The following UNK variants were observed in gnomAD, a reference collection of about 807,000 sequenced individuals.
UNK encodes RING finger protein unkempt homolog.
In UNK, 32 loss-of-function variants were observed where a neutral mutation model predicts 97.6. That is an observed-to-expected ratio of 0.33 (90% CI 0.25 to 0.44). UNK has a LOEUF of 0.44. Ranked by LOEUF, UNK falls within the 20% of genes least tolerant of loss-of-function variation. UNK has a pLI of 1.00. For missense variants in UNK, 771 were observed against 1,098.4 expected, an observed-to-expected ratio of 0.70 and a Z score of 4.21; for synonymous variants, 441 against 461.2, an observed-to-expected ratio of 0.96 and a Z score of 0.56.
chr17:75,788,400 G>A (rs1277686163), intron 1 of UNK, among the ~76,000 whole-genome samples: 6 of 152,194 alleles, frequency 3.9e-5, no homozygotes, highest in Middle Eastern at 6.8e-3. Context: ...GGCTGATCTC[G>A]AACTCCTAAC....
chr17:75,801,238 G>A (rs1279559846), intron 1 of UNK, among the ~76,000 whole-genome samples: 1 of 152,020 alleles, frequency 6.6e-6, no homozygotes, highest in Non-Finnish European at 1.5e-5. Context: ...CATCACCAGT[G>A]CATACCTCTT....
At chr17:75,785,307 C>T (rs536858509) in intron 1 of UNK, 3 of 268,838 alleles carry the variant, frequency 1.1e-5, no homozygotes, top group East Asian at 9.2e-5. Flanking sequence ...GTAGTAGGCT[C>T]CTTTGGGGCA....
At chr17:75,821,286 CACAGGTGTATTGAT>C (rs1567810354) in intron 13 of UNK, 1 of 422,710 alleles carries the variant, frequency 2.4e-6, no homozygotes, top group Non-Finnish European at 4.8e-6. Flanking sequence ...GACTATTGAG[CACAGGTGTATTGAT>C]ACAGGTGTAA....
intron 1 of UNK, among the ~76,000 whole-genome samples, chr17:75,806,640 G>A (rs1472956034): frequency 1.3e-5 from 2 of 151,938 alleles, no homozygotes; most frequent in East Asian, 1.9e-4. Flanking sequence ...GGGCGTGGTG[G>A]CGGGTGCCTG....
In UNK at chr17:75,794,570, G is replaced by A. The variant is rs149793364; in HGVS notation, c.104+9586G>A. On this transcript the variant is annotated intron_variant, in intron 1 of 15. Transcript: ENST00000589666. ...GGAGAATCACTAGGACCCAGGAGGC[G>A]CAGGTTGCGGTGAGCCGAGATCACG... 6.9e-3 allele frequency among the ~76,000 whole-genome samples: 1,042 copies of A among 151,858 alleles called. 7 individuals carry two copies. The highest frequency in any genetic ancestry group is 0.027 in the Middle Eastern group (8 of 294).
chr17:75,787,739 C>T (rs148135122), intron 1 of UNK, among the ~76,000 whole-genome samples: 3,386 of 151,036 alleles, frequency 0.022, 86 homozygotes, highest in African/African-American at 0.068. Flanking sequence ...GCAGGAGAAT[C>T]GCTTGAACCC....
rs868458060 is a variant in UNK, at chr17:75,813,826, G to A, written c.824G>A (p.Gly275Glu). 1.3e-6 allele frequency: 2 copies of A among 1,596,662 alleles called. No homozygotes were observed. Among genetic ancestry groups the A allele is most frequent in the South Asian group, 2.3e-5 (2 of 88,380 alleles). Residue 275 changes from glycine to glutamate, a missense_variant, in exon 6 of 16, where the codon GGA becomes GAA. Transcript: ENST00000589666. Reference sequence around the variant, plus strand: ...GGAGACCCTGGCAAGTGTGAGAACGGAGACGCCTGCCAGTACTGCCACACC... The same window carrying A: ...GGAGACCCTGGCAAGTGTGAGAACGAAGACGCCTGCCAGTACTGCCACACC... ...EWGDPGKCEN[G>E]DACQYCHTRT...
chr17:75,823,483 C>T lies in UNK; in HGVS notation c.2238C>T (p.Leu746=). 1 of 1,570,676 alleles carries T rather than the reference C, an allele frequency of 6.4e-7. No homozygotes were observed. The highest frequency in any genetic ancestry group is 2.3e-5 in the East Asian group (1 of 43,316). ...TCTCACTCTCCACCCTCTACTCCCT[C>T]CAGAAACAACTGCGGGCCCACCTGG... The part of the protein sequence containing the change: ...EALSLSTLYS[L]QKQLRAHLEQ... The change falls in exon 15 of 16, where the codon CTC becomes CTT. Residue 746 remains leucine, a synonymous_variant. Transcript: ENST00000589666.
chr17:75,805,133 A>G (rs1009012126), intron 1 of UNK, among the ~76,000 whole-genome samples: 1 of 150,182 alleles, frequency 6.7e-6, no homozygotes, highest in African/African-American at 2.5e-5. Context: ...GTGAGCTGAG[A>G]TTGCGCCACT....
At chr17:75,815,281 G>A (rs766479583) in intron 7 of UNK, 28 bp downstream of exon 7, 5 of 1,594,220 alleles carry the variant, frequency 3.1e-6, no homozygotes, top group Non-Finnish European at 4.3e-6. Context: ...CCCCGGGGCA[G>A]TGCCCTCTCC....
At chr17:75,811,429 A>G (rs966715927) in intron 2 of UNK, among the ~76,000 whole-genome samples, 3 of 152,142 alleles carry the variant, frequency 2.0e-5, no homozygotes, top group African/African-American at 7.2e-5. Flanking sequence ...CGGAGGCCCA[A>G]GGCTTGCTGA....
At position 75,813,815 on chromosome 17, in the gene UNK, G is replaced by A; in HGVS notation, c.813G>A (p.Lys271=). ...GGGATGAGTGGGGAGACCCTGGCAA[G>A]TGTGAGAACGGAGACGCCTGCCAGT... ...KHGDEWGDPG[K]CENGDACQYC... is the part of the protein sequence containing the mutation. The change falls in exon 6 of 16, where the codon AAG becomes AAA. Residue 271 remains lysine (K), a synonymous_variant. Coordinates refer to ENST00000589666, the MANE Select transcript of UNK (RefSeq NM_001080419.3). 1 of 1,599,740 alleles carries A rather than the reference G, an allele frequency of 6.3e-7. No individual in the cohort carries two copies. Among genetic ancestry groups the A allele is most frequent in the Middle Eastern group, 1.7e-4 (1 of 6,048 alleles).
intron 1 of UNK, among the ~76,000 whole-genome samples, chr17:75,801,171 G>A (rs1220858448): frequency 6.6e-6 from 1 of 152,058 alleles, no homozygotes; most frequent in African/African-American, 2.4e-5. Context: ...CCAAAGTGCT[G>A]GGATTACCGG....
chr17:75,816,663 C>A lies in UNK; in HGVS notation c.962-107C>A. On this transcript the variant is annotated intron_variant, in intron 7 of 15. Transcript: ENST00000589666. This position sits in a 1 kb window ranked among gnomAD's most constrained non-coding sequence, Gnocchi z 4.0. The stretch of plus-strand genomic sequence containing the variant: ...ACTAGAGATGTCGTAGGAACCTTCC[C>A]TTTATGTGCAGGGGGATTTGTGGTC... The A allele has an allele frequency of 1.5e-6, 2 of 1,378,890 alleles. No individual in the cohort carries two copies. Among genetic ancestry groups the A allele is most frequent in the East Asian group, 4.9e-5 (2 of 40,408 alleles). 85.4% of individuals were successfully genotyped at this position (1,378,890 alleles called of 1,614,324 possible). A position where few individuals can be genotyped will look rare whatever the true frequency, so the allele number is the denominator to read the frequency against.
At chr17:75,795,992 C>G (rs779707378) in intron 1 of UNK, among the ~76,000 whole-genome samples, 2 of 152,282 alleles carry the variant, frequency 1.3e-5, no homozygotes, top group African/African-American at 2.4e-5. Flanking sequence ...GTGCCCGTAG[C>G]ACTTGAACTG....
In UNK at chr17:75,816,366, C is replaced by T. The variant is rs1202034779; in HGVS notation, c.962-404C>T. Among the ~76,000 whole-genome samples the T allele has an allele frequency of 2.6e-5, 4 of 152,140 alleles. No homozygotes were observed. Among genetic ancestry groups the T allele is most frequent in the Non-Finnish European group, 5.9e-5 (4 of 68,024 alleles). Reference sequence around the variant, plus strand: ...AGCATATTCTTGATGCAGAGGTGGTCCCCGGCCATGGGCATTGGGACCGCC... The same window carrying T: ...AGCATATTCTTGATGCAGAGGTGGTTCCCGGCCATGGGCATTGGGACCGCC... On this transcript the variant is annotated intron_variant, in intron 7 of 15. Coordinates refer to ENST00000589666, the MANE Select transcript of UNK (RefSeq NM_001080419.3). The surrounding 1 kb of genome is among the most constrained non-coding windows in gnomAD (Gnocchi z 4.0).
Position 75,819,908 on chromosome 17 carries a change from C to A in UNK, c.1649-12C>A. 1 of 1,605,430 alleles carries A rather than the reference C, an allele frequency of 6.2e-7. No individual in the cohort carries two copies. Among genetic ancestry groups the A allele is most frequent in the Non-Finnish European group, 8.5e-7 (1 of 1,175,454 alleles). ...CCTCACCCAGCCCGTCCTCCCCGGG[C>A]CTCTCTTGCAGGCGGCAGCTTGCTG... On this transcript the variant is annotated splice_polypyrimidine_tract_variant and intron_variant, in intron 12 of 15. Coordinates refer to ENST00000589666, the MANE Select transcript of UNK (RefSeq NM_001080419.3). The surrounding 1 kb of genome is among the most constrained non-coding windows in gnomAD (Gnocchi z 5.4).
chr17:75,825,259 T>G lies in UNK; in HGVS notation c.*842T>G, dbSNP rs1317651172. 4 of 150,196 alleles carry G rather than the reference T, an allele frequency of 2.7e-5. No individual in the cohort carries two copies. Among genetic ancestry groups the G allele is most frequent in the Admixed American group, 2.6e-4 (4 of 15,142 alleles). 9.3% of individuals were successfully genotyped at this position (150,196 alleles called of 1,614,324 possible). A position where few individuals can be genotyped will look rare whatever the true frequency, so the allele number is the denominator to read the frequency against. ...GAGCCTCCCTGGCCCCAGGGCCGCC[T>G]ACCAGGCTGGTACTCATTCTATGAC... On this transcript the variant is annotated 3_prime_UTR_variant, in exon 16 of 16. Transcript: ENST00000589666. The surrounding 1 kb of genome is among the most constrained non-coding windows in gnomAD (Gnocchi z 4.4).
intron 1 of UNK, among the ~76,000 whole-genome samples, chr17:75,791,106 C>T (rs1567793193): frequency 6.6e-6 from 1 of 152,110 alleles, no homozygotes; most frequent in African/African-American, 2.4e-5. Flanking sequence ...AATTTTAATG[C>T]CCTCATGTTA....
Sources: allele counts gnomAD v4.1 joint callset (sites outside exome capture counted in the v4.1 genomes callset), GRCh38; gene constraint gnomAD v4.1.1; non-coding constraint Gnocchi (gnomAD v3.1); transcripts MANE v1.5; gene names NCBI Gene and HGNC (gene_info 2026-07-23, HGNC 2026-07-21).